Variants in PDE4B observed in about 807,000 individuals in gnomAD.
PDE4B encodes the protein phosphodiesterase 4B.
Under a neutral mutation model 82.2 loss-of-function variants are expected in PDE4B, and 20 were observed. The observed-to-expected ratio is 0.24, with a 90% CI of 0.17 to 0.35. PDE4B has a LOEUF of 0.35. Ranked by LOEUF, PDE4B falls within the 10% of genes least tolerant of loss-of-function variation. The pLI, the probability that PDE4B is intolerant of heterozygous loss-of-function variation, is 1.00. For synonymous variants in PDE4B, 320 were observed against 318.9 expected (o/e 1.00, Z -0.04); for missense variants, 655 against 907.2 (o/e 0.72, Z 3.57).
chr1:65,865,176 T>G (rs1646496989), intron 1 of PDE4B, among the ~76,000 whole-genome samples: 1 of 152,192 alleles, frequency 6.6e-6, no homozygotes, highest in Non-Finnish European at 1.5e-5. Flanking sequence ...TCCTTAGCAC[T>G]GTCAGGGGAA....
intron 1 of PDE4B, among the ~76,000 whole-genome samples, chr1:65,830,726 C>T (rs1646072790): frequency 6.6e-6 from 1 of 152,144 alleles, no homozygotes; most frequent in Non-Finnish European, 1.5e-5. Context: ...GGAGACATGA[C>T]ATTTCAGTGC....
At position 66,209,055 on chromosome 1, in the gene PDE4B, G is replaced by A. The variant is rs10493398; in HGVS notation, c.282-38405G>A. ...TGTGATGCTCAATAATATATGTCAG[G>A]ATATGAATACTTAGACTCATGCCAG... On this transcript the variant is annotated intron_variant, in intron 3 of 16. Coordinates refer to ENST00000341517, the MANE Select transcript of PDE4B (RefSeq NM_002600.4). 0.013 allele frequency among the ~76,000 whole-genome samples: 1,945 copies of A among 152,234 alleles called. 91 individuals are homozygous for A. In the East Asian group the frequency reaches 0.15, roughly 12 times the overall value.
chr1:65,818,020 C>A (rs1336362749), intron 1 of PDE4B, among the ~76,000 whole-genome samples: 1 of 152,090 alleles, frequency 6.6e-6, no homozygotes, highest in African/African-American at 2.4e-5. Context: ...AAGCTAAATT[C>A]ATTGCTCAGC....
intron 3 of PDE4B, among the ~76,000 whole-genome samples, chr1:66,135,658 A>C (rs1646041942): frequency 6.6e-6 from 1 of 152,190 alleles, no homozygotes; most frequent in Admixed American, 6.5e-5. Flanking sequence ...TTTGAGATAC[A>C]CATTCAGATG....
At chr1:66,242,324 C>T (rs193079712) in intron 3 of PDE4B, among the ~76,000 whole-genome samples, 17 of 152,274 alleles carry the variant, frequency 1.1e-4, no homozygotes, top group African/African-American at 3.9e-4. Context: ...ATAAAAGAGA[C>T]TCAGTGAGTA....
At chr1:66,277,778 T>A (rs1017794336) in intron 7 of PDE4B, among the ~76,000 whole-genome samples, 3 of 152,214 alleles carry the variant, frequency 2.0e-5, no homozygotes, top group African/African-American at 7.2e-5. Flanking sequence ...GTACCTGTAT[T>A]TTCTCTGTAA....
intron 8 of PDE4B, among the ~76,000 whole-genome samples, 153 bp downstream of exon 8, chr1:66,332,773 C>G (rs1262061751): frequency 2.0e-5 from 3 of 152,216 alleles, no homozygotes; most frequent in Non-Finnish European, 4.4e-5. Flanking sequence ...CAAAGTGTCA[C>G]ACTCTACTTG....
chr1:65,901,234 T>G (rs1646968894), intron 1 of PDE4B, among the ~76,000 whole-genome samples: 1 of 152,184 alleles, frequency 6.6e-6, no homozygotes, highest in Non-Finnish European at 1.5e-5. Context: ...TTTTCAATTC[T>G]GTTTATGTGA....
At chr1:65,931,027 T>C (rs1647802879) in intron 3 of PDE4B, among the ~76,000 whole-genome samples, 2 of 152,212 alleles carry the variant, frequency 1.3e-5, no homozygotes, top group Admixed American at 1.3e-4. Context: ...GGGGGCACTT[T>C]CACATGAATG....
intron 1 of PDE4B, among the ~76,000 whole-genome samples, chr1:65,870,289 T>TG (rs1646558380): frequency 1.3e-5 from 2 of 152,298 alleles, no homozygotes; most frequent in South Asian, 4.1e-4. Context: ...ATGTTATTTT[T>TG]GTCTTTAAAT....
At chr1:66,070,661 A>G (rs1359415246) in intron 3 of PDE4B, among the ~76,000 whole-genome samples, 2 of 152,028 alleles carry the variant, frequency 1.3e-5, no homozygotes, top group Non-Finnish European at 2.9e-5. Context: ...CAAAGATATT[A>G]GGAAGCAGGA....
At position 66,174,237 on chromosome 1, in the gene PDE4B, G is replaced by C. The variant is rs115679008; in HGVS notation, c.282-73223G>C. 9.8e-3 allele frequency among the ~76,000 whole-genome samples: 1,498 copies of C among 152,250 alleles called. 26 individuals carry two copies. The highest frequency in any genetic ancestry group is 0.034 in the African/African-American group (1,417 of 41,530). ...TAACGATCACTTAAATGCAGTAGGG[G>C]AGCTAAATTTTATGAACTCTAGGGG... On this transcript the variant is annotated intron_variant, in intron 3 of 16. Coordinates refer to ENST00000341517, the MANE Select transcript of PDE4B (RefSeq NM_002600.4).
intron 7 of PDE4B, among the ~76,000 whole-genome samples, chr1:66,275,812 T>C (rs1258978221): frequency 1.3e-5 from 2 of 152,144 alleles, no homozygotes; most frequent in African/African-American, 4.8e-5. Flanking sequence ...CCCCTCAAAA[T>C]AGAGAACAGG....
intron 9 of PDE4B, 40 bp from the exon 10 acceptor site, chr1:66,361,575 G>A: frequency 6.5e-7 from 1 of 1,526,742 alleles, no homozygotes; most frequent in South Asian, 1.2e-5. Context: ...GATTCTCATA[G>A]ACACATGTGC....
chr1:66,097,823 A>C (rs1645146271), intron 3 of PDE4B, among the ~76,000 whole-genome samples: 1 of 146,872 alleles, frequency 6.8e-6, no homozygotes, highest in East Asian at 2.0e-4. Flanking sequence ...CTTTTTATTA[A>C]TTATTGGACT....
At chr1:65,943,424 C>A (rs907446711) in intron 3 of PDE4B, among the ~76,000 whole-genome samples, 6 of 151,880 alleles carry the variant, frequency 4.0e-5, no homozygotes, top group Admixed American at 3.9e-4. Context: ...ATTTTGAAAT[C>A]AGGTAGTGTG....
At chr1:66,178,406 T>G (rs1646980162) in intron 3 of PDE4B, among the ~76,000 whole-genome samples, 1 of 152,298 alleles carries the variant, frequency 6.6e-6, no homozygotes, top group South Asian at 2.1e-4. Flanking sequence ...GGTTCCGTGT[T>G]ATTCTAAAAC....
chr1:66,012,909 C>T (rs1329675693), intron 3 of PDE4B, among the ~76,000 whole-genome samples: 2 of 152,062 alleles, frequency 1.3e-5, no homozygotes, highest in East Asian at 3.9e-4. Context: ...CAAATAGTAA[C>T]TCATTTAATC....
intron 3 of PDE4B, among the ~76,000 whole-genome samples, chr1:66,017,719 C>T (rs1412927198): frequency 1.3e-5 from 2 of 152,098 alleles, no homozygotes; most frequent in African/African-American, 4.8e-5. Context: ...CTATGCCATG[C>T]ATGTCTTGAG....
Sources: allele counts gnomAD v4.1 joint callset (sites outside exome capture counted in the v4.1 genomes callset), GRCh38; gene constraint gnomAD v4.1.1; transcripts MANE v1.5; gene names NCBI Gene and HGNC (gene_info 2026-07-23, HGNC 2026-07-21).